Variants in MINDY2 observed in about 807,000 individuals in gnomAD.
MINDY2 encodes the protein MINDY lysine 48 deubiquitinase 2, also known as ubiquitin carboxyl-terminal hydrolase MINDY-2.
A neutral mutation model predicts 68.2 loss-of-function variants in MINDY2; 52 were observed. That is an observed-to-expected ratio of 0.76 (90% CI 0.61 to 0.96). The LOEUF (loss-of-function observed/expected upper bound fraction) is 0.96. MINDY2 is among the 40% of genes least tolerant of loss of function. The probability of loss-of-function intolerance (pLI) is 0.00; values close to 1 mark genes in which losing one functional copy is unlikely to be tolerated. For synonymous variants in MINDY2, 372 were observed against 303.0 expected, an observed-to-expected ratio of 1.23 and a Z score of -2.36; for missense variants, 881 against 773.4, an observed-to-expected ratio of 1.14 and a Z score of -1.65.
At chr15:58,810,535 C>A in intron 4 of MINDY2, 147 bp downstream of exon 4, 1 of 711,778 alleles carries the variant, frequency 1.4e-6, no homozygotes, top group Non-Finnish European at 2.2e-6. Flanking sequence ...AGAACAGAGT[C>A]CTCCAGACTA....
rs2033208988 is a variant in MINDY2 at position 58,861,164 on chromosome 15, T to C, written c.*6554T>C. 1 of 152,162 alleles carries C rather than the reference T, an allele frequency of 6.6e-6. No homozygotes were observed. Among genetic ancestry groups the C allele is most frequent in the Non-Finnish European group, 1.5e-5 (1 of 68,032 alleles). The allele number at this position is 152,162 out of a possible 1,614,324, so 9.4% of individuals were successfully genotyped here. On this transcript the variant is annotated 3_prime_UTR_variant, in exon 9 of 9. Coordinates refer to ENST00000559228, the MANE Select transcript of MINDY2 (RefSeq NM_001040450.3). ...GGATTGAGGCACATATTTTGAGGAG[T>C]AGCAAGTGGAATGGTATAATGACTA...
intron 5 of MINDY2, among the ~76,000 whole-genome samples, chr15:58,831,041 G>GTATATATATATATATA (rs61211927): frequency 4.8e-4 from 60 of 124,918 alleles, no homozygotes; most frequent in African/African-American, 7.5e-4. Context: ...GTGTGTGTGT[G>GTATATATATATATATA]TATATATATA....
At chr15:58,791,144 C>T (rs1164464750) in intron 2 of MINDY2, among the ~76,000 whole-genome samples, 2 of 142,668 alleles carry the variant, frequency 1.4e-5, no homozygotes, top group Non-Finnish European at 3.1e-5. Flanking sequence ...CACGCCACTG[C>T]ACTCCAGCCT....
At chr15:58,786,756 C>G (rs1901529711) in intron 1 of MINDY2, among the ~76,000 whole-genome samples, 1 of 152,168 alleles carries the variant, frequency 6.6e-6, no homozygotes, top group Non-Finnish European at 1.5e-5. Flanking sequence ...AGCCCCTTTC[C>G]AACTATAACT....
rs147529160 is a variant in MINDY2 at position 58,842,721 on chromosome 15, G to C, written c.1369-4576G>C. 4.0e-3 allele frequency among the ~76,000 whole-genome samples: 615 copies of C among 152,308 alleles called. 6 individuals carry two copies. The highest frequency in any genetic ancestry group is 0.014 in the African/African-American group (587 of 41,576). ...TATAATATCTTCTGTTTATGAAGCAGTTAGAGGCTTTGTACTATATTAAGC... is the reference window on the plus strand; with the variant it reads ...TATAATATCTTCTGTTTATGAAGCACTTAGAGGCTTTGTACTATATTAAGC... On this transcript the variant is annotated intron_variant, in intron 6 of 8. Transcript: ENST00000559228.
intron 8 of MINDY2, among the ~76,000 whole-genome samples, chr15:58,853,736 G>A (rs978093934): frequency 5.4e-5 from 8 of 148,126 alleles, no homozygotes; most frequent in South Asian, 2.1e-4. Context: ...CAGGAGAATC[G>A]CTTGAACCTG....
rs1187508507 is a variant in MINDY2, at chr15:58,860,809, G to T, written c.*6199G>T. The stretch of plus-strand genomic sequence containing the variant: ...CCTGTCTTGTATGTCTCTCAATTTT[G>T]TCAGAATTTTTATTATTGTTTTTCA... On this transcript the variant is annotated 3_prime_UTR_variant, in exon 9 of 9. Coordinates refer to ENST00000559228, the MANE Select transcript of MINDY2 (RefSeq NM_001040450.3). 6.6e-6 allele frequency: 1 copy of T among 152,088 alleles called. No homozygotes were observed. Among genetic ancestry groups the T allele is most frequent in the Non-Finnish European group, 1.5e-5 (1 of 68,022 alleles). The allele number at this position is 152,088 out of a possible 1,614,324, so 9.4% of individuals were successfully genotyped here.
chr15:58,807,353 CTTTTTTTTT>C (rs58768604), intron 3 of MINDY2, among the ~76,000 whole-genome samples: 2 of 109,056 alleles, frequency 1.8e-5, no homozygotes, highest in African/African-American at 7.3e-5. Context: ...TTAAAATAGT[CTTTTTTTTT>C]TTTTTTTTTT....
chr15:58,846,124 T>A (rs563160884), intron 6 of MINDY2, among the ~76,000 whole-genome samples: 1 of 151,176 alleles, frequency 6.6e-6, no homozygotes, highest in South Asian at 2.1e-4. Flanking sequence ...ACAGAATGAT[T>A]GAGACCTAGC....
intron 4 of MINDY2, among the ~76,000 whole-genome samples, chr15:58,814,575 C>T (rs1282118463): frequency 1.3e-5 from 2 of 150,704 alleles, no homozygotes; most frequent in African/African-American, 2.5e-5. Flanking sequence ...AATGAGATCT[C>T]GCCATATTGC....
chr15:58,821,885 A>G, intron 5 of MINDY2, 66 bp downstream of exon 5: 13 of 1,035,818 alleles, frequency 1.3e-5, no homozygotes, highest in Non-Finnish European at 1.8e-5. Context: ...TTATAACTTA[A>G]TATCTTTCAA....
At position 58,855,946 on chromosome 15, in the gene MINDY2, A is replaced by C. The variant is rs2033047307; in HGVS notation, c.*1336A>C. ...AAAAAAAAAAAGTCTGAGAGTAGCT[A>C]AGAATTTATGTAAAAGCAATCAGAG... On this transcript the variant is annotated 3_prime_UTR_variant, in exon 9 of 9. Coordinates refer to ENST00000559228, the MANE Select transcript of MINDY2 (RefSeq NM_001040450.3). 2 of 152,628 alleles carry C rather than the reference A, an allele frequency of 1.3e-5. No homozygotes were observed. Among genetic ancestry groups the C allele is most frequent in the South Asian group, 4.1e-4 (2 of 4,830 alleles). The allele number at this position is 152,628 out of a possible 1,614,324, so 9.5% of individuals were successfully genotyped here.
chr15:58,777,764 T>C (rs2140894359), intron 1 of MINDY2, among the ~76,000 whole-genome samples: 1 of 152,260 alleles, frequency 6.6e-6, no homozygotes, highest in Admixed American at 6.5e-5. Context: ...CAAGAGATAG[T>C]TTCATCTACC....
intron 1 of MINDY2, among the ~76,000 whole-genome samples, chr15:58,787,336 C>A (rs1156267516): frequency 1.3e-5 from 2 of 151,908 alleles, no homozygotes; most frequent in Non-Finnish European, 2.9e-5. Flanking sequence ...ATGTGTGCAG[C>A]TCTAAACAAT....
chr15:58,854,770 T>C lies in MINDY2; in HGVS notation c.*160T>C. 3 of 710,146 alleles carry C rather than the reference T, an allele frequency of 4.2e-6. No individual in the cohort carries two copies. The highest frequency in any genetic ancestry group is 6.5e-6 in the Non-Finnish European group (3 of 458,802). The allele number at this position is 710,146 out of a possible 1,614,324, so 44.0% of individuals were successfully genotyped here. A position where few individuals can be genotyped will look rare whatever the true frequency, so the allele number is the denominator to read the frequency against. ...TGTTACTTAGTTACAATCAGACTTT[T>C]TCAAGTCACACAATACACTCTTTAT... On this transcript the variant is annotated 3_prime_UTR_variant, in exon 9 of 9. Coordinates refer to ENST00000559228, the MANE Select transcript of MINDY2 (RefSeq NM_001040450.3).
chr15:58,841,657 G>A (rs1484118879), intron 6 of MINDY2, among the ~76,000 whole-genome samples: 6 of 151,438 alleles, frequency 4.0e-5, no homozygotes, highest in African/African-American at 9.7e-5. Flanking sequence ...CACCTGCCTC[G>A]GCCTCCCAGA....
Position 58,798,359 on chromosome 15 carries a change from T to C in MINDY2, c.899-3954T>C, listed in dbSNP as rs1174081636. On this transcript the variant is annotated intron_variant, in intron 2 of 8. Transcript: ENST00000559228. The stretch of plus-strand genomic sequence containing the variant: ...CCAGGCTGATCTCGAACTCCTGACC[T>C]CGTGATCCACCCACCTTACACTCTC... Among the ~76,000 whole-genome samples the C allele has an allele frequency of 6.9e-4, 104 of 151,162 alleles. 2 individuals are homozygous for C. The highest frequency in any genetic ancestry group is 3.2e-4 in the Non-Finnish European group (22 of 67,874).
At chr15:58,848,173 T>C (rs2032630005) in intron 7 of MINDY2, among the ~76,000 whole-genome samples, 2 of 152,034 alleles carry the variant, frequency 1.3e-5, no homozygotes, top group Admixed American at 1.3e-4. Context: ...ATGATGGTGA[T>C]GTGAATTCTT....
At chr15:58,798,970 A>G (rs1052553043) in intron 2 of MINDY2, among the ~76,000 whole-genome samples, 3 of 152,344 alleles carry the variant, frequency 2.0e-5, no homozygotes, top group East Asian at 3.9e-4. Flanking sequence ...TAGGACAGAT[A>G]ATTTTAATAA....
Sources: gnomAD v4.1 joint callset for allele counts (sites outside exome capture counted in the v4.1 genomes callset) on GRCh38, gnomAD v4.1.1 for gene constraint, MANE v1.5 for transcripts, NCBI Gene and HGNC (gene_info 2026-07-23, HGNC 2026-07-21) for gene names.